Variants in PI4KA observed in about 807,000 individuals in gnomAD.
PI4KA encodes the protein phosphatidylinositol 4-kinase alpha.
In PI4KA, 122 loss-of-function variants were observed where a neutral mutation model predicts 271.4. The ratio of observed to expected loss-of-function variants is 0.45; its 90% CI spans 0.39 to 0.52. PI4KA has a LOEUF of 0.52. Ranked by LOEUF, PI4KA falls within the 20% of genes least tolerant of loss-of-function variation. The probability of loss-of-function intolerance (pLI) is 0.00; values close to 1 mark genes in which losing one functional copy is unlikely to be tolerated. For missense variants in PI4KA, 1,969 were observed against 2,769.1 expected (o/e 0.71, Z 6.48); for synonymous variants, 1,041 against 1,078.8 (o/e 0.96, Z 0.69).
rs1428140396 is a variant in PI4KA at position 20,819,851 on chromosome 22, T to C, written c.579A>G (p.Ala193=). Residue 193 remains alanine, a synonymous_variant, in exon 6 of 55, where the codon GCA becomes GCG. Transcript: ENST00000255882. ...CTTCCATGTTGCTGTAACGCCCAAA[T>C]GCTCGCGAGATTCCTATCAGGCATG... ...AIPCLIGISR[A]FGRYSNMEES... 1 of 1,613,886 alleles carries C rather than the reference T, an allele frequency of 6.2e-7. No homozygotes were observed. The highest frequency in any genetic ancestry group is 8.5e-7 in the Non-Finnish European group (1 of 1,179,876).
intron 1 of PI4KA, among the ~76,000 whole-genome samples, chr22:20,845,691 C>A (rs758850345): frequency 2.6e-5 from 4 of 152,176 alleles, no homozygotes; most frequent in Non-Finnish European, 5.9e-5. Flanking sequence ...CACCCTGGAT[C>A]AGAGTTTCAT....
chr22:20,800,873 CAA>C (rs376870559), intron 14 of PI4KA, among the ~76,000 whole-genome samples: 2 of 122,530 alleles, frequency 1.6e-5, no homozygotes, highest in African/African-American at 3.0e-5. Flanking sequence ...GACTCTGTCT[CAA>C]AAAAAAAAAA....
At chr22:20,818,825 A>AGTTGG (rs1922189164) in intron 6 of PI4KA, among the ~76,000 whole-genome samples, 1 of 152,206 alleles carries the variant, frequency 6.6e-6, no homozygotes, top group South Asian at 2.1e-4. Context: ...AGTCAATTAT[A>AGTTGG]TACTTCTTAA....
intron 1 of PI4KA, among the ~76,000 whole-genome samples, chr22:20,844,384 G>A (rs1287297331): frequency 6.6e-6 from 1 of 152,234 alleles, no homozygotes; most frequent in African/African-American, 2.4e-5. Flanking sequence ...ACCAGGCACA[G>A]TGCTGGCATG....
intron 7 of PI4KA, among the ~76,000 whole-genome samples, chr22:20,816,426 G>T (rs1470796730): frequency 6.6e-6 from 1 of 152,084 alleles, no homozygotes; most frequent in Non-Finnish European, 1.5e-5. Flanking sequence ...ACATCTCCTG[G>T]CCTAAAAACA....
intron 19 of PI4KA, among the ~76,000 whole-genome samples, 190 bp from the exon 20 acceptor site, chr22:20,765,883 C>T (rs1932479688): frequency 6.6e-6 from 1 of 152,160 alleles, no homozygotes; most frequent in Non-Finnish European, 1.5e-5. Context: ...TTACTGAGTC[C>T]CTAGTGTGCA....
intron 1 of PI4KA, among the ~76,000 whole-genome samples, chr22:20,857,064 T>C (rs1466695554): frequency 6.6e-6 from 1 of 152,230 alleles, no homozygotes; most frequent in Admixed American, 6.5e-5. Context: ...TACACTCCAT[T>C]AGTCAGACTA....
intron 8 of PI4KA, among the ~76,000 whole-genome samples, chr22:20,812,757 T>C (rs541461194): frequency 6.6e-6 from 1 of 152,318 alleles, no homozygotes; most frequent in East Asian, 1.9e-4. Context: ...GATTTCACCA[T>C]GTTGGCCAGG....
chr22:20,807,126 T>A (rs1935698899), intron 10 of PI4KA, among the ~76,000 whole-genome samples: 1 of 152,180 alleles, frequency 6.6e-6, no homozygotes. Flanking sequence ...ATAAACACCT[T>A]AGGAAATAAA....
At chr22:20,843,438 C>T (rs1242845077) in intron 1 of PI4KA, among the ~76,000 whole-genome samples, 1 of 40,988 alleles carries the variant, frequency 2.4e-5, no homozygotes, top group Non-Finnish European at 4.9e-5. Flanking sequence ...CAGGTTAAGG[C>T]TGCAGTGAGC....
chr22:20,794,513 G>A (rs898421999), intron 18 of PI4KA, among the ~76,000 whole-genome samples: 1 of 152,324 alleles, frequency 6.6e-6, no homozygotes, highest in South Asian at 2.1e-4. Context: ...CCACATGACT[G>A]TCGGAGGGCC....
At chr22:20,754,778 T>A (rs1284564557) in intron 23 of PI4KA, among the ~76,000 whole-genome samples, 1 of 152,002 alleles carries the variant, frequency 6.6e-6, no homozygotes, top group Non-Finnish European at 1.5e-5. Context: ...TGAAACCCCA[T>A]CTTTACTAAA....
intron 3 of PI4KA, among the ~76,000 whole-genome samples, chr22:20,826,521 T>C (rs1235280593): frequency 2.0e-5 from 3 of 152,208 alleles, no homozygotes; most frequent in Admixed American, 1.3e-4. Context: ...TACTTACGCA[T>C]GCATCTTTAC....
intron 17 of PI4KA, among the ~76,000 whole-genome samples, chr22:20,796,558 A>T (rs1040438482): frequency 6.6e-6 from 1 of 152,252 alleles, no homozygotes; most frequent in Admixed American, 6.5e-5. Context: ...GAAATGTAGT[A>T]AGGACCTCCA....
intron 19 of PI4KA, among the ~76,000 whole-genome samples, chr22:20,765,963 C>T (rs1268304153): frequency 6.6e-6 from 1 of 152,164 alleles, no homozygotes; most frequent in Non-Finnish European, 1.5e-5. Flanking sequence ...AGTTTGGAGG[C>T]AGGTGAGCAA....
rs183584635 is a variant in PI4KA, at chr22:20,753,485, G to A, written c.2792-305C>T. On this transcript the variant is annotated intron_variant, in intron 23 of 54. Coordinates refer to ENST00000255882, the MANE Select transcript of PI4KA (RefSeq NM_058004.4). ...AGCATCCAACCCAGGACACCAGGTG[G>A]CATTTAATCTGTGTCTCCTACTCCT... Among the ~76,000 whole-genome samples the A allele has an allele frequency of 6.7e-3, 1,023 of 152,266 alleles. 11 individuals carry two copies. Among genetic ancestry groups the A allele is most frequent in the Non-Finnish European group, 0.01 (708 of 68,028 alleles).
chr22:20,784,320 AT>A, intron 19 of PI4KA: 2 of 1,595,152 alleles, frequency 1.3e-6, no homozygotes, highest in South Asian at 2.2e-5. Flanking sequence ...AAAATGGATC[AT>A]TTTTTTAAAA....
intron 1 of PI4KA, among the ~76,000 whole-genome samples, chr22:20,855,204 T>C (rs951580777): frequency 2.0e-5 from 3 of 151,510 alleles, no homozygotes; most frequent in Admixed American, 6.6e-5. Context: ...TAAGGGCTTT[T>C]TGTCAATTGC....
chr22:20,843,340 A>C lies in PI4KA; in HGVS notation c.157-4609T>G, dbSNP rs185068347. Among the ~76,000 whole-genome samples the C allele has an allele frequency of 2.6e-3, 392 of 152,192 alleles. 3 individuals are homozygous for C. The highest frequency in any genetic ancestry group is 9.2e-3 in the African/African-American group (381 of 41,528). ...CCCTGTCTCTACAAAAAATTTAATA[A>C]TTAGCCAGGCACGGTGGCATGCCCC... On this transcript the variant is annotated intron_variant, in intron 1 of 54. Transcript: ENST00000255882.
Sources: gnomAD v4.1 joint callset for allele counts (sites outside exome capture counted in the v4.1 genomes callset) on GRCh38, gnomAD v4.1.1 for gene constraint, MANE v1.5 for transcripts, NCBI Gene and HGNC (gene_info 2026-07-23, HGNC 2026-07-21) for gene names.